The following CDH4 variants were observed in gnomAD, a reference collection of about 807,000 sequenced individuals.
The protein encoded by CDH4 is cadherin-4.
CDH4 carries 33 observed loss-of-function variants against 86.0 expected under a neutral mutation model. The ratio of observed to expected loss-of-function variants is 0.38; its 90% CI spans 0.29 to 0.51. The LOEUF (loss-of-function observed/expected upper bound fraction) is 0.51. Ranked by LOEUF, CDH4 falls within the 20% of genes least tolerant of loss-of-function variation. The pLI is 0.86. For synonymous variants in CDH4, 555 were observed against 549.4 expected (o/e 1.01, Z -0.14); for missense variants, 1,114 against 1,307.4 (o/e 0.85, Z 2.28).
chr20:61,817,470 C>T (rs534396713), intron 4 of CDH4, among the ~76,000 whole-genome samples: 2 of 152,312 alleles, frequency 1.3e-5, no homozygotes, highest in Admixed American at 6.5e-5. Context: ...CCTAGGCCCA[C>T]ACAAGACGCG....
intron 2 of CDH4, among the ~76,000 whole-genome samples, chr20:61,736,640 A>AGAGGGAGGGAGGG (rs1172925860): frequency 2.1e-5 from 3 of 143,602 alleles, no homozygotes; most frequent in Admixed American, 7.1e-5. Flanking sequence ...GGGAGGAAGG[A>AGAGGGAGGGAGGG]AGGAAGGAGA....
rs1485569003 is a variant in CDH4, at chr20:61,544,638, G to A, written c.170-198925G>A. ...GCAGACAGGGCCCACCAGACCCCAC[G>A]CTGCTCTACTCCGCACCGGCCCCCC... On this transcript the variant is annotated intron_variant, in intron 2 of 15. Coordinates refer to ENST00000614565, the MANE Select transcript of CDH4 (RefSeq NM_001794.5). This position sits in a 1 kb window ranked among gnomAD's most constrained non-coding sequence, Gnocchi z 6.5. 6.6e-6 allele frequency among the ~76,000 whole-genome samples: 1 copy of A among 151,984 alleles called. No homozygotes were observed. The highest frequency in any genetic ancestry group is 1.5e-5 in the Non-Finnish European group (1 of 68,014).
intron 2 of CDH4, among the ~76,000 whole-genome samples, chr20:61,677,396 G>A (rs1247954842): frequency 2.6e-5 from 4 of 152,200 alleles, no homozygotes; most frequent in Non-Finnish European, 5.9e-5. Flanking sequence ...CCTTCTGTGG[G>A]AGGGCCTTCC....
At chr20:61,729,521 C>T (rs773250825) in intron 2 of CDH4, among the ~76,000 whole-genome samples, 5 of 152,232 alleles carry the variant, frequency 3.3e-5, no homozygotes, top group East Asian at 1.9e-4. Flanking sequence ...CCTTTCACGA[C>T]GTAAGGCTCT....
chr20:61,929,740 T>C lies in CDH4; in HGVS notation c.2137T>C (p.Cys713Arg). 6.2e-7 allele frequency: 1 copy of C among 1,614,160 alleles called. No homozygotes were observed. Among genetic ancestry groups the C allele is most frequent in the Non-Finnish European group, 8.5e-7 (1 of 1,180,030 alleles). Residue 713 changes from cysteine (C) to arginine (R), a missense_variant, in exon 13 of 16, where the codon TGT becomes CGT. Coordinates refer to ENST00000614565, the MANE Select transcript of CDH4 (RefSeq NM_001794.5). ...CATCATCAAAGTCAAGGTGTGCCCA[T>C]GTGATGACAACGGGGACTGCACCAC... ...TSIIKVKVCP[C>R]DDNGDCTTIG... is the part of the protein sequence containing the mutation.
intron 2 of CDH4, among the ~76,000 whole-genome samples, chr20:61,319,900 A>G (rs2084498926): frequency 6.6e-6 from 1 of 151,960 alleles, no homozygotes; most frequent in Non-Finnish European, 1.5e-5. Context: ...GGATGCAGTA[A>G]GCCGAGATTA....
At chr20:61,524,835 C>A (rs1012689050) in intron 2 of CDH4, among the ~76,000 whole-genome samples, 2 of 152,296 alleles carry the variant, frequency 1.3e-5, no homozygotes, top group East Asian at 3.9e-4. Flanking sequence ...CATTCTCATT[C>A]ATTAGATAAT....
At chr20:61,364,446 C>G (rs2084800377) in intron 2 of CDH4, among the ~76,000 whole-genome samples, 1 of 152,170 alleles carries the variant, frequency 6.6e-6, no homozygotes, top group Admixed American at 6.5e-5. Flanking sequence ...CTTGGACTTG[C>G]TACCTGGAGG....
intron 4 of CDH4, among the ~76,000 whole-genome samples, chr20:61,819,305 AAGAG>A (rs1980894895): frequency 6.6e-6 from 1 of 152,230 alleles, no homozygotes; most frequent in Non-Finnish European, 1.5e-5. Flanking sequence ...CCTTCTAAGA[AAGAG>A]AGAGAACCAG....
At chr20:61,660,867 T>C (rs1276097314) in intron 2 of CDH4, among the ~76,000 whole-genome samples, 1 of 152,180 alleles carries the variant, frequency 6.6e-6, no homozygotes, top group African/African-American at 2.4e-5. Context: ...GTTTCCACAG[T>C]CCTGGCAGCT....
At chr20:61,809,259 C>T (rs1043690316) in intron 4 of CDH4, among the ~76,000 whole-genome samples, 3 of 152,018 alleles carry the variant, frequency 2.0e-5, no homozygotes, top group Admixed American at 1.3e-4. Context: ...TGGTCAGCGG[C>T]GGGATGATGG....
chr20:61,358,692 C>G (rs191742649), intron 2 of CDH4, among the ~76,000 whole-genome samples: 10 of 152,198 alleles, frequency 6.6e-5, no homozygotes, highest in Admixed American at 6.5e-4. Context: ...ATTTGTCTTG[C>G]GAACACATTT....
chr20:61,710,652 AG>A (rs2087880003), intron 2 of CDH4, among the ~76,000 whole-genome samples: 1 of 152,216 alleles, frequency 6.6e-6, no homozygotes, highest in Admixed American at 6.5e-5. Flanking sequence ...CTGGTGAGGA[AG>A]GGGCAAGGGC....
At position 61,711,787 on chromosome 20, in the gene CDH4, G is replaced by GA. The variant is rs370779047; in HGVS notation, c.170-31773dup. 9.6e-4 allele frequency among the ~76,000 whole-genome samples: 146 copies of GA among 152,326 alleles called. 1 individual carries two copies. The South Asian group carries it at 0.012, about 13-fold the overall frequency. ...CTTGGGTAGCACCGTGTGCGGGGCT[G>GA]AAACATACAAGATATAGGGTGGAGG... On this transcript the variant is annotated intron_variant, in intron 2 of 15. Coordinates refer to ENST00000614565, the MANE Select transcript of CDH4 (RefSeq NM_001794.5).
chr20:61,924,466 A>G lies in CDH4; in HGVS notation c.1761A>G (p.Ala587=). ...ACGTCTACGAGGCCACCTTCCTGGC[A>G]GCTGACAATGGTGCGGCCCACCCCA... The part of the protein sequence containing the change: ...KNNVYEATFL[A]ADNGIPPASG... Residue 587 remains alanine (A), a synonymous_variant, in exon 11 of 16, where the codon GCA becomes GCG. Transcript: ENST00000614565. The G allele has an allele frequency of 1.2e-6, 2 of 1,613,330 alleles. No homozygotes were observed. The highest frequency in any genetic ancestry group is 1.7e-6 in the Non-Finnish European group (2 of 1,179,736).
intron 13 of CDH4, 107 bp downstream of exon 13, chr20:61,929,949 C>T: frequency 2.5e-6 from 2 of 811,604 alleles, no homozygotes; most frequent in South Asian, 1.5e-5. Context: ...CAGCCCTCAT[C>T]TCTCAGCCTC....
At chr20:61,739,967 A>G (rs914778927) in intron 2 of CDH4, among the ~76,000 whole-genome samples, 3 of 152,060 alleles carry the variant, frequency 2.0e-5, no homozygotes, top group Non-Finnish European at 4.4e-5. Flanking sequence ...GTACACGGAG[A>G]CCCTCAGTGC....
At chr20:61,565,900 C>T (rs1366989854) in intron 2 of CDH4, among the ~76,000 whole-genome samples, 1 of 152,194 alleles carries the variant, frequency 6.6e-6, no homozygotes, top group East Asian at 1.9e-4. Context: ...AGGGTGTCTG[C>T]ATCCACCCCC....
intron 2 of CDH4, among the ~76,000 whole-genome samples, chr20:61,568,814 G>A (rs1021262381): frequency 6.6e-6 from 1 of 152,174 alleles, no homozygotes; most frequent in Non-Finnish European, 1.5e-5. Flanking sequence ...TGGCAGCCAT[G>A]TTCCTTCCTG....
Sources: gnomAD v4.1 joint callset for allele counts (sites outside exome capture counted in the v4.1 genomes callset) on GRCh38, gnomAD v4.1.1 for gene constraint, Gnocchi (gnomAD v3.1) non-coding constraint, MANE v1.5 for transcripts, NCBI Gene and HGNC (gene_info 2026-07-23, HGNC 2026-07-21) for gene names.